The following FAM9A variants were observed in gnomAD, a reference collection of about 807,000 sequenced individuals.
FAM9A encodes the protein family with sequence similarity 9 member A, also known as protein FAM9A.
FAM9A carries 49 observed loss-of-function variants against 25.0 expected under a neutral mutation model. The ratio of observed to expected loss-of-function variants is 1.96; its 90% CI spans 1.56 to 2.48. FAM9A has a LOEUF of 2.48. Among genes scored for constraint, FAM9A ranks in the 30% most tolerant of loss-of-function variants. The pLI, the probability that FAM9A is intolerant of heterozygous loss-of-function variation, is 0.00. For synonymous variants in FAM9A, 80 were observed against 85.1 expected (o/e 0.94, Z 0.33); for missense variants, 266 against 249.3 (o/e 1.07, Z -0.45).
intron 6 of FAM9A, 135 bp from the exon 7 acceptor site, chrX:8,795,555 T>C (rs1165729731): frequency 2.0e-6 from 1 of 510,252 alleles, no homozygotes; most frequent in African/African-American, 2.4e-5. Context: ...ATCTTCTTTT[T>C]GGGAAAAGGT....
In FAM9A at chrX:8,791,021, T is replaced by C. The variant is rs1933464335; in HGVS notation, c.*183A>G. ...TAACAGACAAGTGACAGAGGAGCTATACCGATTTATACAACAATTATCAAA... is the reference window on the plus strand; with the variant it reads ...TAACAGACAAGTGACAGAGGAGCTACACCGATTTATACAACAATTATCAAA... On this transcript the variant is annotated 3_prime_UTR_variant, in exon 10 of 10. Transcript: ENST00000381003. 1 of 229,073 alleles carries C rather than the reference T, an allele frequency of 4.4e-6. No homozygotes were observed. The highest frequency in any genetic ancestry group is 2.9e-5 in the African/African-American group (1 of 34,955). 18.9% of individuals were successfully genotyped at this position (229,073 alleles called of 1,213,427 possible).
At position 8,796,352 on chromosome X, in the gene FAM9A, C is replaced by CT; in HGVS notation, c.403dup (p.Arg135LysfsTer8). The CT allele has an allele frequency of 8.3e-7, 1 of 1,198,499 alleles. No homozygotes were observed. Among genetic ancestry groups the CT allele is most frequent in the South Asian group, 1.8e-5 (1 of 54,916 alleles). On this transcript the variant is annotated frameshift_variant, in exon 6 of 10. Coordinates refer to ENST00000381003, the MANE Select transcript of FAM9A (RefSeq NM_174951.3). LOFTEE classifies it high-confidence loss of function. ...TGCTTTATCTATTTTTATCATTTCT[C>CT]TTTTTGCAGCAAGGCCCTTTTTAAT...
At chrX:8,798,783 G>A (rs1168915610) in intron 3 of FAM9A, among the ~76,000 whole-genome samples, 183 bp downstream of exon 3, 5 of 112,942 alleles carry the variant, frequency 4.4e-5, no homozygotes, top group Admixed American at 9.3e-5. Flanking sequence ...AGCCTCCCAC[G>A]GGAAGCCTAA....
At chrX:8,799,938 C>T (rs1933584914) in intron 2 of FAM9A, 143 bp downstream of exon 2, 1 of 624,690 alleles carries the variant, frequency 1.6e-6, no homozygotes, top group African/African-American at 2.4e-5. Flanking sequence ...GGCAACGATG[C>T]CAGGGCCATT....
chrX:8,796,674 A>C (rs1933538081), intron 5 of FAM9A, among the ~76,000 whole-genome samples: 1 of 112,219 alleles, frequency 8.9e-6, no homozygotes, highest in Admixed American at 9.5e-5. Flanking sequence ...AAGCGTTACA[A>C]ACACAGACTC....
chrX:8,800,981 C>T (rs1933603200), intron 1 of FAM9A, among the ~76,000 whole-genome samples: 1 of 86,020 alleles, frequency 1.2e-5, no homozygotes, highest in Admixed American at 1.3e-4. Context: ...GTGTCTCCAG[C>T]TCCCTCCCTG....
intron 7 of FAM9A, among the ~76,000 whole-genome samples, 187 bp downstream of exon 7, chrX:8,794,891 T>C (rs1207008463): frequency 1.8e-5 from 2 of 112,139 alleles, no homozygotes; most frequent in Non-Finnish European, 3.8e-5. Context: ...TTTATCGCTA[T>C]GATGCTGACC....
At chrX:8,798,225 A>G (rs1256514422) in intron 4 of FAM9A, 44 bp from the exon 5 acceptor site, 1 of 1,201,860 alleles carries the variant, frequency 8.3e-7, no homozygotes, top group African/African-American at 1.8e-5. Context: ...ATGCTACACA[A>G]AATGCCATGT....
At position 8,791,145 on chromosome X, in the gene FAM9A, G is replaced by C. The variant is rs1447669638; in HGVS notation, c.*59C>G. The C allele has an allele frequency of 7.1e-6, 3 of 420,161 alleles. No individual in the cohort carries two copies. The highest frequency in any genetic ancestry group is 1.2e-5 in the Non-Finnish European group (3 of 243,372). 34.6% of individuals were successfully genotyped at this position (420,161 alleles called of 1,213,427 possible). Reference sequence around the variant, plus strand: ...TCATCAGAATAACAGAGGTTGAAGAGACAATGAAGTGCCAACTCTTCCAAA... The same window carrying C: ...TCATCAGAATAACAGAGGTTGAAGACACAATGAAGTGCCAACTCTTCCAAA... On this transcript the variant is annotated 3_prime_UTR_variant, in exon 10 of 10. Coordinates refer to ENST00000381003, the MANE Select transcript of FAM9A (RefSeq NM_174951.3).
At position 8,800,080 on chromosome X, in the gene FAM9A, C is replaced by A. The variant is rs769229893; in HGVS notation, c.91+1G>T. ...AACAGACCATCTCCTTGGGCGTGCA[C>A]CTTCTTTCGTGGCCCCCTGGGCGGC... On this transcript the variant is annotated splice_donor_variant, in intron 2 of 9. Coordinates refer to ENST00000381003, the MANE Select transcript of FAM9A (RefSeq NM_174951.3). LOFTEE classifies it high-confidence loss of function. 16 of 1,208,562 alleles carry A rather than the reference C, an allele frequency of 1.3e-5. No individual in the cohort carries two copies. The South Asian group carries it at 2.8e-4, about 21-fold the overall frequency.
intron 5 of FAM9A, among the ~76,000 whole-genome samples, chrX:8,797,230 C>T (rs1276141995): frequency 6.2e-5 from 7 of 112,176 alleles, no homozygotes; most frequent in Admixed American, 2.8e-4. Context: ...TATGAATTAT[C>T]GCTAGAGAAG....
chrX:8,793,550 A>T, intron 8 of FAM9A, 108 bp downstream of exon 8: 1 of 580,659 alleles, frequency 1.7e-6, no homozygotes, highest in Non-Finnish European at 2.7e-6. Flanking sequence ...TAAGTAATTT[A>T]AAATGCATAA....
intron 6 of FAM9A, 38 bp from the exon 7 acceptor site, chrX:8,795,458 G>T: frequency 1.8e-6 from 2 of 1,104,926 alleles, no homozygotes; most frequent in Non-Finnish European, 2.4e-6. Context: ...ATATGTCATA[G>T]AGAGATGAAA....
intron 5 of FAM9A, among the ~76,000 whole-genome samples, chrX:8,797,146 A>G (rs1933543238): frequency 8.9e-6 from 1 of 112,087 alleles, no homozygotes; most frequent in South Asian, 3.7e-4. Context: ...TCCATCTATA[A>G]TGCTCAGTTA....
At chrX:8,798,506 A>T in intron 3 of FAM9A, 27 bp from the exon 4 acceptor site, 6 of 1,200,517 alleles carry the variant, frequency 5.0e-6, no homozygotes, top group Non-Finnish European at 6.7e-6. Flanking sequence ...AAGACAAACC[A>T]TTTTTAGAGG....
chrX:8,791,452 G>A, intron 8 of FAM9A, 73 bp from the exon 9 acceptor site: 1 of 779,678 alleles, frequency 1.3e-6, no homozygotes. Context: ...TTAATCAGAT[G>A]TCAAAAGGAA....
chrX:8,796,445 G>A, intron 5 of FAM9A, 63 bp from the exon 6 acceptor site: 1 of 683,140 alleles, frequency 1.5e-6, no homozygotes, highest in Non-Finnish European at 2.3e-6. Context: ...CGCATATATT[G>A]AAATCAACGT....
chrX:8,798,149 C>T lies in FAM9A; in HGVS notation c.373+1G>A. The T allele has an allele frequency of 1.7e-6, 2 of 1,202,488 alleles. No individual in the cohort carries two copies. The highest frequency in any genetic ancestry group is 2.2e-6 in the Non-Finnish European group (2 of 890,108). On this transcript the variant is annotated splice_donor_variant, in intron 5 of 9. Transcript: ENST00000381003. LOFTEE classifies it high-confidence loss of function. The stretch of plus-strand genomic sequence containing the variant: ...GACTACGAATAGCTCCTAAAACATA[C>T]CTGCAATATGTTCTAGCTTCATGGT...
At chrX:8,793,848 A>T in intron 7 of FAM9A, 92 bp from the exon 8 acceptor site, 1 of 580,613 alleles carries the variant, frequency 1.7e-6, no homozygotes, top group Admixed American at 3.2e-5. Flanking sequence ...ATACTCTTTA[A>T]ATCTATACTT....
Sources: allele counts gnomAD v4.1 joint callset (sites outside exome capture counted in the v4.1 genomes callset), GRCh38; gene constraint gnomAD v4.1.1; transcripts MANE v1.5; gene names NCBI Gene and HGNC (gene_info 2026-07-23, HGNC 2026-07-21).